TRERF1: variants seen among roughly 807,000 people sequenced by gnomAD.
The protein encoded by TRERF1 is transcriptional regulating factor 1, also known as transcriptional-regulating factor 1.
In TRERF1, 27 loss-of-function variants were observed where a neutral mutation model predicts 122.9. The observed-to-expected ratio is 0.22, with a 90% CI of 0.16 to 0.30. The LOEUF (loss-of-function observed/expected upper bound fraction) is 0.30. Among genes scored for constraint, TRERF1 ranks in the 10% least tolerant of loss-of-function variants. The pLI is 1.00. For synonymous variants in TRERF1, 636 were observed against 641.7 expected (o/e 0.99, Z 0.13); for missense variants, 1,248 against 1,560.3 (o/e 0.80, Z 3.37).
At chr6:42,304,910 G>A (rs1272425466) in intron 3 of TRERF1, among the ~76,000 whole-genome samples, 1 of 152,222 alleles carries the variant, frequency 6.6e-6, no homozygotes, top group Non-Finnish European at 1.5e-5. Context: ...CTGGATTCTA[G>A]TTCTAATTCC....
Position 42,279,418 on chromosome 6 carries a change from A to G in TRERF1, c.-258-9570T>C, listed in dbSNP as rs78493860. The stretch of plus-strand genomic sequence containing the variant: ...GGCAGGGCTGGGAGAATGGGAGGAG[A>G]TTTCCCTCCGGCTGCTCTGATGAGG... On this transcript the variant is annotated intron_variant, in intron 4 of 17. Transcript: ENST00000372922. Among the ~76,000 whole-genome samples, 957 of 152,210 alleles carry G rather than the reference A, an allele frequency of 6.3e-3. 6 individuals are homozygous for G. The highest frequency in any genetic ancestry group is 0.022 in the African/African-American group (922 of 41,536).
chr6:42,438,436 CCCA>C (rs1785862381), intron 2 of TRERF1, among the ~76,000 whole-genome samples: 1 of 150,748 alleles, frequency 6.6e-6, no homozygotes, highest in Non-Finnish European at 1.5e-5. Context: ...ATGGCAAATC[CCCA>C]CCGCTACTAA....
chr6:42,401,337 A>G (rs546096719), intron 2 of TRERF1, among the ~76,000 whole-genome samples: 1 of 152,218 alleles, frequency 6.6e-6, no homozygotes, highest in Non-Finnish European at 1.5e-5. Context: ...CTCAAAAGAA[A>G]AGATTCACAA....
At chr6:42,236,133 A>G (rs1029255772) in intron 16 of TRERF1, 72 bp downstream of exon 16, 1 of 1,497,216 alleles carries the variant, frequency 6.7e-7, no homozygotes, top group African/African-American at 1.4e-5. Flanking sequence ...AAAATACATC[A>G]TCTCTTAAAG....
At chr6:42,299,718 T>A (rs1785804326) in intron 4 of TRERF1, among the ~76,000 whole-genome samples, 1 of 152,206 alleles carries the variant, frequency 6.6e-6, no homozygotes, top group African/African-American at 2.4e-5. Context: ...GATAAAAATG[T>A]AAAAAAGGAG....
chr6:42,342,888 C>T (rs1767558985), intron 3 of TRERF1, among the ~76,000 whole-genome samples: 5 of 152,226 alleles, frequency 3.3e-5, no homozygotes, highest in Admixed American at 3.3e-4. Context: ...GGCCCAATTT[C>T]TCCAACTGTT....
At chr6:42,314,198 G>A (rs1762128279) in intron 3 of TRERF1, among the ~76,000 whole-genome samples, 1 of 152,154 alleles carries the variant, frequency 6.6e-6, no homozygotes, top group African/African-American at 2.4e-5. Flanking sequence ...ACCATGGCAT[G>A]GTAAGTATAA....
chr6:42,421,052 C>A (rs910020517), intron 2 of TRERF1, among the ~76,000 whole-genome samples: 3 of 152,238 alleles, frequency 2.0e-5, no homozygotes, highest in African/African-American at 7.2e-5. Flanking sequence ...ATTCCAGGCT[C>A]AGCCTCTTAC....
intron 2 of TRERF1, among the ~76,000 whole-genome samples, chr6:42,417,531 A>G (rs1782014431): frequency 6.6e-6 from 1 of 152,198 alleles, no homozygotes; most frequent in African/African-American, 2.4e-5. Context: ...GCCCAGTATG[A>G]TGAGGCACTA....
In TRERF1 at chr6:42,259,343, G is replaced by A; in HGVS notation, c.2265C>T (p.Arg755=). Residue 755 remains arginine, a synonymous_variant, in exon 9 of 18, where the codon CGC becomes CGT. Coordinates refer to ENST00000372922, the Ensembl canonical transcript of TRERF1. This position sits in a 1 kb window ranked among gnomAD's most constrained non-coding sequence, Gnocchi z 4.9. The stretch of plus-strand genomic sequence containing the variant: ...GACGCTAAAGGGGTGACTCACTGGA[G>A]CGACACAGCAGCACCCGTGGTGTGG... 6.7e-7 allele frequency: 1 copy of A among 1,500,086 alleles called. No homozygotes were observed. The highest frequency in any genetic ancestry group is 8.8e-7 in the Non-Finnish European group (1 of 1,134,754). The allele number at this position is 1,500,086 out of a possible 1,614,324, so 92.9% of individuals were successfully genotyped here. A position where few individuals can be genotyped will look rare whatever the true frequency, so the allele number is the denominator to read the frequency against.
intron 15 of TRERF1, among the ~76,000 whole-genome samples, 194 bp from the exon 16 acceptor site, chr6:42,236,605 T>A (rs1772279852): frequency 6.6e-6 from 1 of 152,164 alleles, no homozygotes; most frequent in African/African-American, 2.4e-5. Context: ...TGCTTAGGAC[T>A]TCGAGGTCAA....
intron 2 of TRERF1, among the ~76,000 whole-genome samples, chr6:42,399,289 T>G (rs530766596): frequency 6.6e-6 from 1 of 152,308 alleles, no homozygotes; most frequent in Non-Finnish European, 1.5e-5. Flanking sequence ...CAAATTATAG[T>G]AATGAGCTGG....
chr6:42,238,723 G>C (rs1374902693), intron 15 of TRERF1, among the ~76,000 whole-genome samples: 1 of 151,958 alleles, frequency 6.6e-6, no homozygotes, highest in Admixed American at 6.6e-5. Flanking sequence ...TGGTAAGTCA[G>C]AATACAAATG....
chr6:42,284,718 G>C (rs866234477), intron 4 of TRERF1, among the ~76,000 whole-genome samples: 1 of 152,186 alleles, frequency 6.6e-6, no homozygotes, highest in Non-Finnish European at 1.5e-5. Flanking sequence ...CTGCCACTCA[G>C]TTATGTAGAG....
At chr6:42,291,837 G>A (rs1025917259) in intron 4 of TRERF1, among the ~76,000 whole-genome samples, 5 of 152,062 alleles carry the variant, frequency 3.3e-5, no homozygotes, top group Middle Eastern at 3.4e-3. Flanking sequence ...AAGACACTGC[G>A]CCCGGCCCTG....
At chr6:42,401,497 G>T (rs953523467) in intron 2 of TRERF1, among the ~76,000 whole-genome samples, 1 of 152,108 alleles carries the variant, frequency 6.6e-6, no homozygotes, top group African/African-American at 2.4e-5. Context: ...AACTGAGGCC[G>T]AGAGGCTACA....
chr6:42,275,361 G>A lies in TRERF1; in HGVS notation c.-258-5513C>T, dbSNP rs1381371681. ...TTCTTCGGTCAATTTCTTCCTTAGA[G>A]CAGGACTCCAGGATTCCAGGGTGGG... On this transcript the variant is annotated intron_variant, in intron 4 of 17. Transcript: ENST00000372922. This position sits in a 1 kb window ranked among gnomAD's most constrained non-coding sequence, Gnocchi z 4.1. Among the ~76,000 whole-genome samples, 1 of 152,192 alleles carries A rather than the reference G, an allele frequency of 6.6e-6. No individual in the cohort carries two copies. The highest frequency in any genetic ancestry group is 2.4e-5 in the African/African-American group (1 of 41,438).
intron 2 of TRERF1, among the ~76,000 whole-genome samples, chr6:42,391,473 A>G (rs942898534): frequency 7.9e-5 from 12 of 152,108 alleles, no homozygotes; most frequent in African/African-American, 2.9e-4. Flanking sequence ...ACAGGGTGAT[A>G]TTGCACAAGT....
At chr6:42,438,782 T>C (rs1785937599) in intron 2 of TRERF1, among the ~76,000 whole-genome samples, 1 of 151,988 alleles carries the variant, frequency 6.6e-6, no homozygotes, top group South Asian at 2.1e-4. Flanking sequence ...CAGGTACGAG[T>C]TGAGAAGGAC....
Sources: allele counts gnomAD v4.1 joint callset (sites outside exome capture counted in the v4.1 genomes callset), GRCh38; gene constraint gnomAD v4.1.1; non-coding constraint Gnocchi (gnomAD v3.1); transcripts MANE v1.5; gene names NCBI Gene and HGNC (gene_info 2026-07-23, HGNC 2026-07-21).